Variants in JAKMIP1 observed in about 807,000 individuals in gnomAD.
JAKMIP1 encodes janus kinase and microtubule-interacting protein 1.
In JAKMIP1, 33 loss-of-function variants were observed where a neutral mutation model predicts 113.0. That is an observed-to-expected ratio of 0.29 (90% CI 0.22 to 0.39). JAKMIP1 has a LOEUF of 0.39. Among genes scored for constraint, JAKMIP1 ranks in the 10% least tolerant of loss-of-function variants. The pLI is 1.00. For missense variants in JAKMIP1, 813 were observed against 1,080.5 expected (o/e 0.75, Z 3.47); for synonymous variants, 480 against 459.9 (o/e 1.04, Z -0.56).
Position 6,036,787 on chromosome 4 carries a change from C to T in JAKMIP1, c.2176-680G>A, listed in dbSNP as rs114956205. On this transcript the variant is annotated intron_variant, in intron 18 of 20. Coordinates refer to ENST00000409021, the MANE Select transcript of JAKMIP1 (RefSeq NM_001099433.2). Reference sequence around the variant, plus strand: ...GGACAAAAGACAATTACCTCCTTTTCTGCCTTCCTAAATCTCCACCCACAT... The same window carrying T: ...GGACAAAAGACAATTACCTCCTTTTTTGCCTTCCTAAATCTCCACCCACAT... 4.9e-3 allele frequency among the ~76,000 whole-genome samples: 740 copies of T among 152,366 alleles called. 4 individuals are homozygous for T. Among genetic ancestry groups the T allele is most frequent in the African/African-American group, 0.017 (691 of 41,582 alleles).
intron 1 of JAKMIP1, among the ~76,000 whole-genome samples, chr4:6,182,182 G>T (rs1217810360): frequency 6.6e-6 from 1 of 152,038 alleles, no homozygotes; most frequent in Admixed American, 6.5e-5. Flanking sequence ...GGAGGCCGGG[G>T]AAGGTGGATT....
rs564115542 is a variant in JAKMIP1, at chr4:6,150,712, G to A, written c.-147-37715C>T. Among the ~76,000 whole-genome samples the A allele has an allele frequency of 1.3e-5, 2 of 152,270 alleles. No individual in the cohort carries two copies. Among genetic ancestry groups the A allele is most frequent in the South Asian group, 2.1e-4 (1 of 4,826 alleles). ...GAAAACTGCCCTGATGCTACAGGTA[G>A]GAAGAAAAATCTTTTAAAAGCACGT... On this transcript the variant is annotated intron_variant, in intron 1 of 20. Transcript: ENST00000409021. The surrounding 1 kb of genome is among the most constrained non-coding windows in gnomAD (Gnocchi z 4.8).
At chr4:6,164,980 C>G (rs776666558) in intron 1 of JAKMIP1, among the ~76,000 whole-genome samples, 3 of 152,224 alleles carry the variant, frequency 2.0e-5, no homozygotes, top group Non-Finnish European at 4.4e-5. Context: ...ATGATCTAAA[C>G]TTAGCTGATA....
rs182638914 is a variant in JAKMIP1, at chr4:6,062,458, G to C, written c.1432-18C>G. Reference sequence around the variant, plus strand: ...GCTGTGGCCTTCACATAATGGAGAAGAAAACAAATAATCAAGTGCAAAATT... The same window carrying C: ...GCTGTGGCCTTCACATAATGGAGAACAAAACAAATAATCAAGTGCAAAATT... On this transcript the variant is annotated intron_variant, in intron 9 of 20. Coordinates refer to ENST00000409021, the MANE Select transcript of JAKMIP1 (RefSeq NM_001099433.2). 5 of 1,599,204 alleles carry C rather than the reference G, an allele frequency of 3.1e-6. No homozygotes were observed. In the South Asian group the frequency reaches 5.6e-5, roughly 18 times the overall value.
rs976301671 is a variant in JAKMIP1, at chr4:6,106,802, C to T, written c.130-835G>A. Among the ~76,000 whole-genome samples, 2 of 152,166 alleles carry T rather than the reference C, an allele frequency of 1.3e-5. No homozygotes were observed. Among genetic ancestry groups the T allele is most frequent in the Non-Finnish European group, 2.9e-5 (2 of 68,048 alleles). On this transcript the variant is annotated intron_variant, in intron 2 of 20. Coordinates refer to ENST00000409021, the MANE Select transcript of JAKMIP1 (RefSeq NM_001099433.2). This position sits in a 1 kb window ranked among gnomAD's most constrained non-coding sequence, Gnocchi z 5.9. ...TTCAAATATCACTCAACACACATTC[C>T]ACAGGAACGCCTGACAAGCCCTTAT...
rs1338503093 is a variant in JAKMIP1 at position 6,138,416 on chromosome 4, T to C, written c.-147-25419A>G. 1.3e-5 allele frequency among the ~76,000 whole-genome samples: 2 copies of C among 152,104 alleles called. No homozygotes were observed. The highest frequency in any genetic ancestry group is 2.9e-5 in the Non-Finnish European group (2 of 67,986). On this transcript the variant is annotated intron_variant, in intron 1 of 20. Transcript: ENST00000409021. The surrounding 1 kb of genome is among the most constrained non-coding windows in gnomAD (Gnocchi z 6.0). ...CACACCTGGCTCATTTTTGTATTTTTAGTAGAGATGGGGTTTCGCCATGTT... is the reference window on the plus strand; with the variant it reads ...CACACCTGGCTCATTTTTGTATTTTCAGTAGAGATGGGGTTTCGCCATGTT...
chr4:6,140,710 G>A lies in JAKMIP1; in HGVS notation c.-147-27713C>T, dbSNP rs968034256. 6.6e-6 allele frequency among the ~76,000 whole-genome samples: 1 copy of A among 152,094 alleles called. No individual in the cohort carries two copies. Among genetic ancestry groups the A allele is most frequent in the Non-Finnish European group, 1.5e-5 (1 of 68,026 alleles). On this transcript the variant is annotated intron_variant, in intron 1 of 20. Transcript: ENST00000409021. This position sits in a 1 kb window ranked among gnomAD's most constrained non-coding sequence, Gnocchi z 9.4. ...AATGTAATGCTTTTACCTGGAAAAG[G>A]GATGACAAAGTATCCCAGATAACTT...
chr4:6,073,527 G>C (rs926118687), intron 8 of JAKMIP1, among the ~76,000 whole-genome samples: 1 of 152,214 alleles, frequency 6.6e-6, no homozygotes, highest in African/African-American at 2.4e-5. Context: ...ATAAATTAGT[G>C]GGGGAGGCAG....
intron 3 of JAKMIP1, among the ~76,000 whole-genome samples, chr4:6,087,662 T>C (rs1162175194): frequency 1.3e-5 from 2 of 152,164 alleles, no homozygotes; most frequent in African/African-American, 4.8e-5. Context: ...ATAATCCTAA[T>C]TGACATAGAG....
chr4:6,165,192 A>G (rs1304946898), intron 1 of JAKMIP1, among the ~76,000 whole-genome samples: 2 of 152,256 alleles, frequency 1.3e-5, no homozygotes, highest in Non-Finnish European at 2.9e-5. Flanking sequence ...GTCAACAGCC[A>G]TTAACATCAA....
chr4:6,161,623 C>A (rs1284610039), intron 1 of JAKMIP1, among the ~76,000 whole-genome samples: 1 of 151,934 alleles, frequency 6.6e-6, no homozygotes, highest in African/African-American at 2.4e-5. Flanking sequence ...AGGCAAGGAA[C>A]CCACAGAGGG....
rs1722157472 is a variant in JAKMIP1 at position 6,155,763 on chromosome 4, T to C, written c.-147-42766A>G. 6.6e-6 allele frequency among the ~76,000 whole-genome samples: 1 copy of C among 152,216 alleles called. No homozygotes were observed. Among genetic ancestry groups the C allele is most frequent in the Admixed American group, 6.5e-5 (1 of 15,274 alleles). On this transcript the variant is annotated intron_variant, in intron 1 of 20. Transcript: ENST00000409021. This position sits in a 1 kb window ranked among gnomAD's most constrained non-coding sequence, Gnocchi z 6.1. ...TATAGTGTCCTTTAAGCTGAAGCTCTATCATCTCAAATTTTGCTCTGAAGG... is the reference window on the plus strand; with the variant it reads ...TATAGTGTCCTTTAAGCTGAAGCTCCATCATCTCAAATTTTGCTCTGAAGG...
chr4:6,149,316 A>AAC (rs1200923839), intron 1 of JAKMIP1, among the ~76,000 whole-genome samples: 3 of 152,222 alleles, frequency 2.0e-5, no homozygotes, highest in Non-Finnish European at 4.4e-5. Context: ...CCCACAGGCC[A>AAC]ACACTAAGGG....
rs1725983996 is a variant in JAKMIP1, at chr4:6,181,272, G to C, written c.-148+18981C>G. Reference sequence around the variant, plus strand: ...TCTTAGGCTTCCTCTCAAGAAAGCAGTTCCAGAAAGGGTGGAGGGGAGGGT... The same window carrying C: ...TCTTAGGCTTCCTCTCAAGAAAGCACTTCCAGAAAGGGTGGAGGGGAGGGT... On this transcript the variant is annotated intron_variant, in intron 1 of 20. Coordinates refer to ENST00000409021, the MANE Select transcript of JAKMIP1 (RefSeq NM_001099433.2). This position sits in a 1 kb window ranked among gnomAD's most constrained non-coding sequence, Gnocchi z 5.4. Among the ~76,000 whole-genome samples, 1 of 152,196 alleles carries C rather than the reference G, an allele frequency of 6.6e-6. No individual in the cohort carries two copies. Among genetic ancestry groups the C allele is most frequent in the African/African-American group, 2.4e-5 (1 of 41,440 alleles).
At chr4:6,189,533 T>C (rs998812318) in intron 1 of JAKMIP1, among the ~76,000 whole-genome samples, 9 of 152,210 alleles carry the variant, frequency 5.9e-5, no homozygotes, top group South Asian at 2.1e-4. Context: ...TATGGGAATC[T>C]GAGACCAAAA....
rs77299007 is a variant in JAKMIP1, at chr4:6,054,918, G to C, written c.1708-770C>G. ...CACCCCCGGGAGACCTTTAGAAATG[G>C]GATGAGGGGGTGAGGGTTTTCTGCG... On this transcript the variant is annotated intron_variant, in intron 12 of 20. Coordinates refer to ENST00000409021, the MANE Select transcript of JAKMIP1 (RefSeq NM_001099433.2). 4,177 of 451,270 alleles carry C rather than the reference G, an allele frequency of 9.3e-3. 31 individuals are homozygous for C. The highest frequency in any genetic ancestry group is 0.013 in the Non-Finnish European group (2,929 of 223,380). 28.0% of individuals were successfully genotyped at this position (451,270 alleles called of 1,614,324 possible).
Position 6,049,011 on chromosome 4 carries a change from T to A in JAKMIP1, c.1963-89A>T. 1.1e-6 allele frequency: 1 copy of A among 899,414 alleles called. No individual in the cohort carries two copies. The highest frequency in any genetic ancestry group is 1.8e-6 in the Non-Finnish European group (1 of 553,252). The allele number at this position is 899,414 out of a possible 1,614,324, so 55.7% of individuals were successfully genotyped here. A position where few individuals can be genotyped will look rare whatever the true frequency, so the allele number is the denominator to read the frequency against. ...GCACCAAGCAAGTTTTTTTTTTTCGTTGTTGTTGTTTGTTTTATTATGTTT... is the reference window on the plus strand; with the variant it reads ...GCACCAAGCAAGTTTTTTTTTTTCGATGTTGTTGTTTGTTTTATTATGTTT... On this transcript the variant is annotated intron_variant, in intron 15 of 20. Transcript: ENST00000409021. The surrounding 1 kb of genome is among the most constrained non-coding windows in gnomAD (Gnocchi z 7.0).
At position 6,135,036 on chromosome 4, in the gene JAKMIP1, C is replaced by T. The variant is rs555168249; in HGVS notation, c.-147-22039G>A. Among the ~76,000 whole-genome samples the T allele has an allele frequency of 7.2e-5, 11 of 152,108 alleles. No homozygotes were observed. In the South Asian group the frequency reaches 2.1e-3, roughly 29 times the overall value. ...ACATGTAGAGATGGCAGGTGTAGGG[C>T]TCGTGTATCTCTGGTCTGGTATCGT... On this transcript the variant is annotated intron_variant, in intron 1 of 20. Coordinates refer to ENST00000409021, the MANE Select transcript of JAKMIP1 (RefSeq NM_001099433.2). This position sits in a 1 kb window ranked among gnomAD's most constrained non-coding sequence, Gnocchi z 4.9.
rs765456827 is a variant in JAKMIP1 at position 6,029,712 on chromosome 4, C to T, written c.2445+4G>A. 2.1e-5 allele frequency: 33 copies of T among 1,592,202 alleles called. No homozygotes were observed. The South Asian group carries it at 3.7e-4, about 18-fold the overall frequency. On this transcript the variant is annotated splice_donor_region_variant and intron_variant, in intron 20 of 20. Coordinates refer to ENST00000409021, the MANE Select transcript of JAKMIP1 (RefSeq NM_001099433.2). ...TGGGGACAGTCTGAGCTGCAGTCAC[C>T]TACCTTTTCCTCCAGTTCTTTCAGG...
Sources: allele counts gnomAD v4.1 joint callset (sites outside exome capture counted in the v4.1 genomes callset), GRCh38; gene constraint gnomAD v4.1.1; non-coding constraint Gnocchi (gnomAD v3.1); transcripts MANE v1.5; gene names NCBI Gene and HGNC (gene_info 2026-07-23, HGNC 2026-07-21).